Variants in FRMD4A observed in about 807,000 individuals in gnomAD.
The protein encoded by FRMD4A is FERM domain-containing protein 4A.
FRMD4A carries 29 observed loss-of-function variants against 129.1 expected under a neutral mutation model. The observed-to-expected ratio is 0.22, with a 90% CI of 0.17 to 0.31. The LOEUF is 0.31. Ranked by LOEUF, FRMD4A falls within the 10% of genes least tolerant of loss-of-function variation. The probability of loss-of-function intolerance (pLI) is 1.00; values close to 1 mark genes in which losing one functional copy is unlikely to be tolerated. For missense variants in FRMD4A, 1,272 were observed against 1,375.8 expected (o/e 0.92, Z 1.19); for synonymous variants, 634 against 571.6 (o/e 1.11, Z -1.56).
At chr10:13,866,310 C>A in intron 2 of FRMD4A, 5 of 979,066 alleles carry the variant, frequency 5.1e-6, no homozygotes, top group Non-Finnish European at 6.1e-6. Context: ...CACAGGACAC[C>A]CTGAGGATGT....
intron 18 of FRMD4A, among the ~76,000 whole-genome samples, chr10:13,665,475 T>C (rs989314479): frequency 2.6e-5 from 4 of 152,192 alleles, no homozygotes; most frequent in African/African-American, 9.6e-5. Context: ...ACAAGAAGGA[T>C]TCTAACAGTT....
intron 2 of FRMD4A, among the ~76,000 whole-genome samples, chr10:14,021,608 G>C (rs988495461): frequency 6.6e-6 from 1 of 151,944 alleles, no homozygotes; most frequent in Non-Finnish European, 1.5e-5. Context: ...AAAACTGGGG[G>C]AGGGTTCTGT....
intron 2 of FRMD4A, among the ~76,000 whole-genome samples, chr10:14,085,523 C>G (rs927575569): frequency 1.3e-5 from 2 of 152,224 alleles, no homozygotes; most frequent in Non-Finnish European, 2.9e-5. Flanking sequence ...GCATTCTCAT[C>G]AGAAAGAGAC....
intron 16 of FRMD4A, among the ~76,000 whole-genome samples, chr10:13,673,097 G>T (rs961731723): frequency 3.3e-5 from 5 of 152,076 alleles, no homozygotes; most frequent in African/African-American, 9.7e-5. Flanking sequence ...CGGGTTTAGG[G>T]ACTTTTTATT....
intron 2 of FRMD4A, among the ~76,000 whole-genome samples, chr10:14,162,319 T>C (rs1840932693): frequency 6.6e-6 from 1 of 152,228 alleles, no homozygotes; most frequent in East Asian, 1.9e-4. Flanking sequence ...TAAATTGTGA[T>C]TGCTGTCTTA....
At chr10:13,897,955 A>AAG (rs1482530263) in intron 2 of FRMD4A, among the ~76,000 whole-genome samples, 11 of 132,304 alleles carry the variant, frequency 8.3e-5, no homozygotes, top group African/African-American at 2.8e-4. Context: ...AAAAAAAAAA[A>AAG]GCTAAGATAT....
intron 8 of FRMD4A, among the ~76,000 whole-genome samples, chr10:13,750,113 A>AAAGAAAGAAAAG (rs1554880654): frequency 2.8e-5 from 3 of 108,158 alleles, no homozygotes; most frequent in Non-Finnish European, 6.0e-5. Flanking sequence ...AGAAATGAAG[A>AAAGAAAGAAAAG]AAGAAAGAAA....
chr10:14,105,360 G>A (rs145749821), intron 2 of FRMD4A, among the ~76,000 whole-genome samples: 5 of 152,234 alleles, frequency 3.3e-5, no homozygotes, highest in African/African-American at 9.6e-5. Context: ...GAGCCCAGGA[G>A]TTTGAGACTA....
intron 22 of FRMD4A, chr10:13,654,904 G>T (rs988216799): frequency 9.8e-6 from 2 of 203,478 alleles, no homozygotes; most frequent in Non-Finnish European, 2.0e-5. Flanking sequence ...CTCATACAGG[G>T]AGGGCATATT....
In FRMD4A at chr10:13,715,943, A is replaced by G. The variant is rs368755602; in HGVS notation, c.760-8830T>C. ...AAAAAAAGAAATGCTATGATTGTAC[A>G]CATTCCCCTCCGTCAATTACATACC... On this transcript the variant is annotated intron_variant, in intron 12 of 24. Coordinates refer to ENST00000357447, the MANE Select transcript of FRMD4A (RefSeq NM_018027.5). Among the ~76,000 whole-genome samples, 16 of 151,818 alleles carry G rather than the reference A, an allele frequency of 1.1e-4. No individual in the cohort carries two copies. The East Asian group carries it at 1.9e-3, about 18-fold the overall frequency.
intron 4 of FRMD4A, among the ~76,000 whole-genome samples, 181 bp from the exon 5 acceptor site, chr10:13,796,769 G>A (rs1404061478): frequency 6.6e-6 from 1 of 152,108 alleles, no homozygotes; most frequent in East Asian, 1.9e-4. Flanking sequence ...GACCCAGGCT[G>A]GAGTGCAGTG....
chr10:14,148,292 G>A (rs1056312467), intron 2 of FRMD4A, among the ~76,000 whole-genome samples: 5 of 152,084 alleles, frequency 3.3e-5, no homozygotes, highest in African/African-American at 4.8e-5. Flanking sequence ...TTTATATGTC[G>A]TGACTGTTTT....
In FRMD4A at chr10:13,764,031, G is replaced by A. The variant is rs568282240; in HGVS notation, c.385-1351C>T. Among the ~76,000 whole-genome samples the A allele has an allele frequency of 6.6e-5, 10 of 151,994 alleles. No homozygotes were observed. The South Asian group carries it at 1.9e-3, about 29-fold the overall frequency. On this transcript the variant is annotated intron_variant, in intron 6 of 24. Coordinates refer to ENST00000357447, the MANE Select transcript of FRMD4A (RefSeq NM_018027.5). The stretch of plus-strand genomic sequence containing the variant: ...ATTACAGGCATGAGCCACTGCACCC[G>A]GCCAAAACAGCTTTATTGAAGTATA...
At chr10:13,963,004 G>A (rs912043716) in intron 2 of FRMD4A, among the ~76,000 whole-genome samples, 16 of 152,158 alleles carry the variant, frequency 1.1e-4, no homozygotes, top group Non-Finnish European at 1.9e-4. Context: ...CATCAAGGAA[G>A]AACAATTTGA....
Position 14,248,814 on chromosome 10 carries a change from A to C in FRMD4A, c.45+81244T>G, listed in dbSNP as rs140550069. Among the ~76,000 whole-genome samples, 34 of 152,242 alleles carry C rather than the reference A, an allele frequency of 2.2e-4. No individual in the cohort carries two copies. In the East Asian group the frequency reaches 6.2e-3, roughly 28 times the overall value. On this transcript the variant is annotated intron_variant, in intron 2 of 24. Coordinates refer to ENST00000357447, the MANE Select transcript of FRMD4A (RefSeq NM_018027.5). ...ATTCTGTCAGAAAACCTCAGTAAGC[A>C]CTCCAAACAAGCACTGATGGAAGTC... is the stretch of plus-strand genomic sequence containing the variant.
chr10:13,947,629 CAT>C (rs1170029319), intron 2 of FRMD4A, among the ~76,000 whole-genome samples: 1 of 149,564 alleles, frequency 6.7e-6, no homozygotes, highest in East Asian at 2.0e-4. Flanking sequence ...CACACACACA[CAT>C]ATATATACAC....
chr10:13,968,884 G>A (rs2095501246), intron 2 of FRMD4A, among the ~76,000 whole-genome samples: 2 of 152,156 alleles, frequency 1.3e-5, no homozygotes, highest in South Asian at 2.1e-4. Flanking sequence ...AGCAAAGGTA[G>A]CTGCTCTCTG....
At chr10:14,032,353 A>C (rs1409753970) in intron 2 of FRMD4A, among the ~76,000 whole-genome samples, 1 of 152,248 alleles carries the variant, frequency 6.6e-6, no homozygotes, top group African/African-American at 2.4e-5. Flanking sequence ...CAGAACTCCA[A>C]ATGCTAATTG....
chr10:13,652,105 C>T, intron 23 of FRMD4A, 131 bp from the exon 24 acceptor site: 1 of 700,420 alleles, frequency 1.4e-6, no homozygotes. Flanking sequence ...CCTGAGTTAG[C>T]AACAGATCAT....
Sources: gnomAD v4.1 joint callset for allele counts (sites outside exome capture counted in the v4.1 genomes callset) on GRCh38, gnomAD v4.1.1 for gene constraint, MANE v1.5 for transcripts, NCBI Gene and HGNC (gene_info 2026-07-23, HGNC 2026-07-21) for gene names.